The following ZNF727 variants were observed in gnomAD, a reference collection of about 807,000 sequenced individuals.
ZNF727 encodes zinc finger protein 727.
Under a neutral mutation model 11.5 loss-of-function variants are expected in ZNF727, and 11 were observed. The observed-to-expected ratio is 0.95, with a 90% CI of 0.60 to 1.58. The LOEUF (loss-of-function observed/expected upper bound fraction) is 1.58. Among genes scored for constraint, ZNF727 ranks in the 40% most tolerant of loss-of-function variants. The pLI, the probability that ZNF727 is intolerant of heterozygous loss-of-function variation, is 0.00. For synonymous variants in ZNF727, 171 were observed against 196.1 expected, an observed-to-expected ratio of 0.87 and a Z score of 1.07; for missense variants, 533 against 581.7, an observed-to-expected ratio of 0.92 and a Z score of 0.86.
rs758258391 is a variant in ZNF727, at chr7:64,079,276, G to A, written c.*727G>A. Among the ~76,000 whole-genome samples, 20 of 152,144 alleles carry A rather than the reference G, an allele frequency of 1.3e-4. No individual in the cohort carries two copies. The highest frequency in any genetic ancestry group is 2.5e-4 in the Non-Finnish European group (17 of 68,024). On this transcript the variant is annotated 3_prime_UTR_variant, in exon 4 of 4. Coordinates refer to ENST00000456806, the MANE Select transcript of ZNF727 (RefSeq NM_001159522.3). ...AATGTGGAAAAGCCTTTAACAATTC[G>A]TCATATTGTGTTCAACATCAGAGAC...
chr7:64,062,343 C>T (rs1200939801), intron 1 of ZNF727, among the ~76,000 whole-genome samples: 1 of 151,604 alleles, frequency 6.6e-6, no homozygotes, highest in African/African-American at 2.4e-5. Context: ...GAAGAACTGC[C>T]TTTAGCATTT....
rs187742259 is a variant in ZNF727 at position 64,073,288 on chromosome 7, A to T, written c.226+3679A>T. 1.3e-3 allele frequency among the ~76,000 whole-genome samples: 166 copies of T among 128,908 alleles called. 1 individual carries two copies. The Admixed American group carries it at 0.014, about 11-fold the overall frequency. The allele number at this position is 128,908 out of a possible 152,430, so 84.6% of individuals were successfully genotyped here. On this transcript the variant is annotated intron_variant, in intron 3 of 3. Transcript: ENST00000456806. ...CTAATAAGTTACATATTCCATGTTGATGTTTTTCAATTTTTTGTGTGTTTT... is the reference window on the plus strand; with the variant it reads ...CTAATAAGTTACATATTCCATGTTGTTGTTTTTCAATTTTTTGTGTGTTTT...
At chr7:64,059,110 A>G (rs1789731961) in intron 1 of ZNF727, among the ~76,000 whole-genome samples, 2 of 151,966 alleles carry the variant, frequency 1.3e-5, no homozygotes, top group South Asian at 4.1e-4. Flanking sequence ...ACACCCTGCT[A>G]ATTTTTGTAT....
rs144966378 is a variant in ZNF727, at chr7:64,068,310, G to T, written c.4-581G>T. ...TCTTCTTACCTTCTCTTTGCATATC[G>T]CTTCCTATGGAAAGTGAAGGCTCTC... On this transcript the variant is annotated intron_variant, in intron 1 of 3. Transcript: ENST00000456806. 2.8e-3 allele frequency among the ~76,000 whole-genome samples: 423 copies of T among 152,060 alleles called. 3 individuals carry two copies. The highest frequency in any genetic ancestry group is 2.8e-3 in the Admixed American group (43 of 15,246).
At chr7:64,070,648 T>C (rs1789945921) in intron 3 of ZNF727, among the ~76,000 whole-genome samples, 1 of 152,076 alleles carries the variant, frequency 6.6e-6, no homozygotes, top group Non-Finnish European at 1.5e-5. Context: ...TGAGAACAGT[T>C]AAGATCTCTC....
rs1785790633 is a variant in ZNF727 at position 64,081,419 on chromosome 7, A to G, written c.*2870A>G. Among the ~76,000 whole-genome samples, 1 of 152,052 alleles carries G rather than the reference A, an allele frequency of 6.6e-6. No individual in the cohort carries two copies. Among genetic ancestry groups the G allele is most frequent in the African/African-American group, 2.4e-5 (1 of 41,406 alleles). ...GCTGGGAGTGGCAGGGGCATACTAC[A>G]TTTCCATTTTCTGGTGGGGCAAGCA... On this transcript the variant is annotated 3_prime_UTR_variant, in exon 4 of 4. Transcript: ENST00000456806.
chr7:64,065,159 G>A (rs544259304), intron 1 of ZNF727, among the ~76,000 whole-genome samples: 119 of 152,228 alleles, frequency 7.8e-4, no homozygotes, highest in African/African-American at 2.6e-3. Flanking sequence ...TGAATTAAGT[G>A]CCACATGTGA....
In ZNF727 at chr7:64,069,564, G is replaced by C. The variant is rs1216530298; in HGVS notation, c.181G>C (p.Glu61Gln). The change falls in exon 3 of 4, where the codon GAG becomes CAG. Residue 61 changes from glutamate to glutamine, a missense_variant. This residue lies in a region of ZNF727 where 463 missense variants were observed against 494.5 expected (regional missense o/e 0.94). Transcript: ENST00000456806. ...GATTACCTATCTGGAGCAAAGAAAA[G>C]AGCCTTGGAATGCGAGGAGACAGAA... ...DLITYLEQRK[E>Q]PWNARRQKTV... The C allele has an allele frequency of 6.4e-7, 1 of 1,564,824 alleles. No homozygotes were observed. Among genetic ancestry groups the C allele is most frequent in the Non-Finnish European group, 8.7e-7 (1 of 1,153,868 alleles).
intron 1 of ZNF727, among the ~76,000 whole-genome samples, chr7:64,068,200 T>C (rs1302907541): frequency 6.6e-6 from 1 of 152,118 alleles, no homozygotes; most frequent in Non-Finnish European, 1.5e-5. Context: ...ATTATACTCT[T>C]TATTTTTAAT....
At chr7:64,052,476 T>G (rs10949865) in intron 1 of ZNF727, among the ~76,000 whole-genome samples, 94,926 of 151,192 alleles carry the variant, frequency 0.63, 30,422 homozygotes, top group Non-Finnish European at 0.69. Context: ...CCCAGCCAGA[T>G]TGCGCAGGCA....
chr7:64,073,171 C>CT (rs1442834678), intron 3 of ZNF727, among the ~76,000 whole-genome samples: 2 of 151,734 alleles, frequency 1.3e-5, no homozygotes, highest in Non-Finnish European at 2.9e-5. Context: ...TTCTTAGGCC[C>CT]TTTTTTTGTT....
chr7:64,069,495 T>C lies in ZNF727; in HGVS notation c.131-19T>C, dbSNP rs747453101. On this transcript the variant is annotated intron_variant, in intron 2 of 3. Transcript: ENST00000456806. ...GATTATCCTAGCAAGAGTCATGTTA[T>C]TTTTTTCTAATAAAACAGGTCTTGC... 14 of 1,532,498 alleles carry C rather than the reference T, an allele frequency of 9.1e-6. No homozygotes were observed. In the South Asian group the frequency reaches 1.3e-4, roughly 14 times the overall value. 94.9% of individuals were successfully genotyped at this position (1,532,498 alleles called of 1,614,324 possible).
rs1487160601 is a variant in ZNF727 at position 64,081,931 on chromosome 7, G to A, written c.*3382G>A. 1.3e-5 allele frequency among the ~76,000 whole-genome samples: 2 copies of A among 152,052 alleles called. No individual in the cohort carries two copies. Among genetic ancestry groups the A allele is most frequent in the Non-Finnish European group, 2.9e-5 (2 of 68,008 alleles). ...CTTCTGGTTGCTGCATCTCAGAGAC[G>A]TGTAGGCCAGCAATCACTCAGTGCA... On this transcript the variant is annotated 3_prime_UTR_variant, in exon 4 of 4. Transcript: ENST00000456806.
At chr7:64,074,811 G>A (rs1790016041) in intron 3 of ZNF727, among the ~76,000 whole-genome samples, 1 of 152,132 alleles carries the variant, frequency 6.6e-6, no homozygotes, top group Admixed American at 6.6e-5. Context: ...TCAGCTCACA[G>A]AACGCATGAA....
intron 1 of ZNF727, among the ~76,000 whole-genome samples, chr7:64,046,463 ATAGT>A (rs1410457422): frequency 1.3e-5 from 2 of 152,172 alleles, no homozygotes; most frequent in African/African-American, 4.8e-5. Flanking sequence ...TTTCTCATGA[ATAGT>A]TTAGCACCAT....
Position 64,079,583 on chromosome 7 carries a change from C to G in ZNF727, c.*1034C>G, listed in dbSNP as rs1173244562. Among the ~76,000 whole-genome samples the G allele has an allele frequency of 6.6e-6, 1 of 152,124 alleles. No homozygotes were observed. The highest frequency in any genetic ancestry group is 1.5e-5 in the Non-Finnish European group (1 of 68,020). ...TTGAGCTTATTTGAAATGGGTATCT[C>G]AATTACAGCATACCATTAGATCTTG... On this transcript the variant is annotated 3_prime_UTR_variant, in exon 4 of 4. Coordinates refer to ENST00000456806, the MANE Select transcript of ZNF727 (RefSeq NM_001159522.3).
chr7:64,072,408 A>G (rs1789976032), intron 3 of ZNF727, among the ~76,000 whole-genome samples: 1 of 152,126 alleles, frequency 6.6e-6, no homozygotes, highest in African/African-American at 2.4e-5. Context: ...ACTAGGGCAG[A>G]GTTCTGCAGT....
Position 64,078,210 on chromosome 7 carries a change from G to A in ZNF727, c.1161G>A (p.Lys387=), listed in dbSNP as rs750021112. ...FKWFSDLTNH[K]RIHTGEKPYK... ...GGTTCTCAGACCTGACTAATCATAA[G>A]AGAATTCACACTGGAGAGAAACCCT... is the stretch of plus-strand genomic sequence containing the variant. The change falls in exon 4 of 4, where the codon AAG becomes AAA. Residue 387 remains lysine, a synonymous_variant. Coordinates refer to ENST00000456806, the MANE Select transcript of ZNF727 (RefSeq NM_001159522.3). 3 of 1,604,256 alleles carry A rather than the reference G, an allele frequency of 1.9e-6. No homozygotes were observed. The highest frequency in any genetic ancestry group is 2.6e-6 in the Non-Finnish European group (3 of 1,175,150).
Position 64,085,061 on chromosome 7 carries a change from T to C in ZNF727, c.*6512T>C, listed in dbSNP as rs1178793504. On this transcript the variant is annotated 3_prime_UTR_variant, in exon 4 of 4. Transcript: ENST00000456806. ...TTGTCTGTTTTCTTGTTGTTCACCATAGGCATAATATATCATTTTCTTGTC... is the reference window on the plus strand; with the variant it reads ...TTGTCTGTTTTCTTGTTGTTCACCACAGGCATAATATATCATTTTCTTGTC... 6.6e-6 allele frequency among the ~76,000 whole-genome samples: 1 copy of C among 152,164 alleles called. No homozygotes were observed. Among genetic ancestry groups the C allele is most frequent in the African/African-American group, 2.4e-5 (1 of 41,454 alleles).
Sources: gnomAD v4.1 joint callset for allele counts (sites outside exome capture counted in the v4.1 genomes callset) on GRCh38, gnomAD v4.1.1 for gene constraint, gnomAD v4.1.1 regional missense constraint, MANE v1.5 for transcripts, NCBI Gene and HGNC (gene_info 2026-07-23, HGNC 2026-07-21) for gene names.